The following C1QTNF3 variants were observed in gnomAD, a reference collection of about 807,000 sequenced individuals.
C1QTNF3 encodes C1q and TNF related 3.
A neutral mutation model predicts 32.6 loss-of-function variants in C1QTNF3; 26 were observed. The ratio of observed to expected loss-of-function variants is 0.80; its 90% CI spans 0.58 to 1.11. C1QTNF3 has a LOEUF of 1.11. C1QTNF3 is among the 50% of genes least tolerant of loss of function. C1QTNF3 has a pLI of 0.00. For missense variants in C1QTNF3, 362 were observed against 398.2 expected, an observed-to-expected ratio of 0.91 and a Z score of 0.77; for synonymous variants, 155 against 146.0, an observed-to-expected ratio of 1.06 and a Z score of -0.44.
At chr5:34,156,760 T>A in the C1QTNF3 span, among the ~76,000 whole-genome samples, 1 of 152,160 alleles carries the variant, frequency 6.6e-6, no homozygotes, top group South Asian at 2.1e-4. Flanking sequence ...TTAATAAAAC[T>A]CATTGTGGAA....
the C1QTNF3 span, among the ~76,000 whole-genome samples, chr5:34,169,361 A>G: frequency 6.6e-6 from 1 of 152,030 alleles, no homozygotes; most frequent in Non-Finnish European, 1.5e-5. Context: ...CCTGATAATT[A>G]AAGATGTTGA....
chr5:34,233,537 C>T, the C1QTNF3 span, among the ~76,000 whole-genome samples: 2 of 151,350 alleles, frequency 1.3e-5, no homozygotes, highest in Non-Finnish European at 2.9e-5. Context: ...ATCATATCAC[C>T]TTATGTTTCT....
At chr5:34,071,035 C>T in the C1QTNF3 span, among the ~76,000 whole-genome samples, 1 of 152,174 alleles carries the variant, frequency 6.6e-6, no homozygotes, top group Admixed American at 6.5e-5. Flanking sequence ...ATATAGCAAT[C>T]AACTTTGTTG....
At chr5:34,047,175 C>T (rs996227833), upstream of C1QTNF3, among the ~76,000 whole-genome samples, 3 of 152,216 alleles carry the variant, frequency 2.0e-5, no homozygotes, top group African/African-American at 7.2e-5. Context: ...TGAAAGTTCA[C>T]AAAAGACACC....
chr5:34,095,083 G>A, the C1QTNF3 span, among the ~76,000 whole-genome samples: 1 of 152,072 alleles, frequency 6.6e-6, no homozygotes, highest in African/African-American at 2.4e-5. Context: ...ATGTTTGATA[G>A]TAGAATAGGG....
chr5:34,157,725 C>A, the C1QTNF3 span, among the ~76,000 whole-genome samples: 1 of 152,138 alleles, frequency 6.6e-6, no homozygotes, highest in Non-Finnish European at 1.5e-5. Context: ...CCTCTAGAAG[C>A]TGTAAAAGTC....
rs1472748805 is a variant in C1QTNF3, at chr5:34,017,871, T to C, written c.*2712A>G. ...CAAAGGAAATAATTATATGCACACA[T>C]AGTTTATTTTTTTAAAAAGAGAATG... On this transcript the variant is annotated 3_prime_UTR_variant, in exon 6 of 6. Coordinates refer to ENST00000382065, the MANE Select transcript of C1QTNF3 (RefSeq NM_181435.6). 6.6e-6 allele frequency among the ~76,000 whole-genome samples: 1 copy of C among 151,998 alleles called. No individual in the cohort carries two copies. Among genetic ancestry groups the C allele is most frequent in the Non-Finnish European group, 1.5e-5 (1 of 67,994 alleles).
the C1QTNF3 span, among the ~76,000 whole-genome samples, chr5:34,139,460 CATAG>C: frequency 6.6e-6 from 1 of 152,032 alleles, no homozygotes; most frequent in Non-Finnish European, 1.5e-5. Context: ...TTGAGATCTT[CATAG>C]ATAGAGTAGG....
chr5:34,210,807 GTTTTATT>G, the C1QTNF3 span, among the ~76,000 whole-genome samples: 1 of 151,942 alleles, frequency 6.6e-6, no homozygotes, highest in Non-Finnish European at 1.5e-5. Flanking sequence ...GAACAGAAAG[GTTTTATT>G]TTTAATTATA....
chr5:34,020,667 C>T lies in C1QTNF3; in HGVS notation c.876G>A (p.Trp292Ter). ...GGAGAGCGCCATTGCCCATTCGCAGCCAAACCTCATCCCCTTTGGCTAGCT... is the reference window on the plus strand; with the variant it reads ...GGAGAGCGCCATTGCCCATTCGCAGTCAAACCTCATCCCCTTTGGCTAGCT... ...VLKLAKGDEV[W>*]LRMGNGALHG... The change falls in exon 6 of 6, where the codon TGG becomes TGA. Residue 292 changes from tryptophan to a stop codon, truncating the protein, a stop_gained. Coordinates refer to ENST00000382065, the MANE Select transcript of C1QTNF3 (RefSeq NM_181435.6). LOFTEE classifies it high-confidence loss of function. 6.2e-7 allele frequency: 1 copy of T among 1,614,216 alleles called. No homozygotes were observed. Among genetic ancestry groups the T allele is most frequent in the Non-Finnish European group, 8.5e-7 (1 of 1,180,048 alleles).
chr5:34,216,984 T>C, the C1QTNF3 span, among the ~76,000 whole-genome samples: 1 of 152,294 alleles, frequency 6.6e-6, no homozygotes, highest in Non-Finnish European at 1.5e-5. Flanking sequence ...CAGATTTTTA[T>C]AATTAACAGA....
At chr5:34,211,291 A>T in the C1QTNF3 span, among the ~76,000 whole-genome samples, 3 of 151,894 alleles carry the variant, frequency 2.0e-5, no homozygotes, top group African/African-American at 7.3e-5. Flanking sequence ...TACATATCCA[A>T]GATATATTTC....
the C1QTNF3 span, among the ~76,000 whole-genome samples, chr5:34,135,125 T>G: frequency 6.6e-6 from 1 of 152,224 alleles, no homozygotes; most frequent in East Asian, 1.9e-4. Context: ...GTTTTCAGCA[T>G]GAAGGGCTAT....
the C1QTNF3 span, among the ~76,000 whole-genome samples, chr5:34,155,961 T>C: frequency 1.3e-5 from 2 of 152,264 alleles, no homozygotes; most frequent in African/African-American, 4.8e-5. Flanking sequence ...AATAGACTTT[T>C]AATTTCTCTG....
At chr5:34,078,986 T>C in the C1QTNF3 span, among the ~76,000 whole-genome samples, 2 of 151,622 alleles carry the variant, frequency 1.3e-5, no homozygotes, top group African/African-American at 4.9e-5. This position sits in a 1 kb window ranked among gnomAD's most constrained non-coding sequence, Gnocchi z 4.0. Flanking sequence ...CATCTATTAT[T>C]TTTTCACACT....
chr5:34,239,923 C>T, the C1QTNF3 span, among the ~76,000 whole-genome samples: 1 of 151,744 alleles, frequency 6.6e-6, no homozygotes, highest in Non-Finnish European at 1.5e-5. Flanking sequence ...AAAATGAAAT[C>T]ATATCAAGCA....
chr5:34,141,127 C>CT, the C1QTNF3 span, among the ~76,000 whole-genome samples: 139 of 146,308 alleles, frequency 9.5e-4, 1 homozygote, highest in African/African-American at 2.8e-3. Context: ...ACTCCTTCTT[C>CT]TTTTTTTTTT....
At chr5:34,138,329 T>C in the C1QTNF3 span, among the ~76,000 whole-genome samples, 3 of 152,176 alleles carry the variant, frequency 2.0e-5, no homozygotes, top group African/African-American at 4.8e-5. Context: ...ACCTGGTACC[T>C]ATTACCTTAT....
At chr5:34,126,930 G>C in the C1QTNF3 span, among the ~76,000 whole-genome samples, 1 of 152,130 alleles carries the variant, frequency 6.6e-6, no homozygotes, top group East Asian at 1.9e-4. Flanking sequence ...CCCCCTGGCT[G>C]TTAGCATGAT....
Sources: allele counts gnomAD v4.1 joint callset (sites outside exome capture counted in the v4.1 genomes callset), GRCh38; gene constraint gnomAD v4.1.1; non-coding constraint Gnocchi (gnomAD v3.1); transcripts MANE v1.5; gene names NCBI Gene and HGNC (gene_info 2026-07-23, HGNC 2026-07-21).